The following DNAH8 variants were observed in gnomAD, a reference collection of about 807,000 sequenced individuals.
DNAH8 encodes axonemal beta dynein heavy chain 8.
DNAH8 carries 382 observed loss-of-function variants against 562.1 expected under a neutral mutation model. The ratio of observed to expected loss-of-function variants is 0.68; its 90% CI spans 0.63 to 0.74. DNAH8 has a LOEUF of 0.74. DNAH8 is among the 30% of genes least tolerant of loss of function. DNAH8 has a pLI of 0.00. For missense variants in DNAH8, 5,203 were observed against 5,620.4 expected (o/e 0.93, Z 2.37); for synonymous variants, 1,881 against 1,919.4 (o/e 0.98, Z 0.52).
At chr6:39,015,352 A>G (rs1410676064) in intron 91 of DNAH8, among the ~76,000 whole-genome samples, 3 of 152,224 alleles carry the variant, frequency 2.0e-5, no homozygotes, top group Non-Finnish European at 4.4e-5. Flanking sequence ...TTACAAAGCC[A>G]AACAATACTT....
chr6:39,011,531 A>G (rs984198942), intron 89 of DNAH8, among the ~76,000 whole-genome samples: 3 of 152,230 alleles, frequency 2.0e-5, no homozygotes, highest in Non-Finnish European at 4.4e-5. Flanking sequence ...TGAAATGTGT[A>G]TATTGCATTG....
chr6:38,827,728 C>A (rs2150346062), intron 29 of DNAH8, among the ~76,000 whole-genome samples: 1 of 71,694 alleles, frequency 1.4e-5, no homozygotes, highest in Non-Finnish European at 2.7e-5. Flanking sequence ...TAATTCTTTA[C>A]CAAACTTTTT....
At chr6:38,747,870 A>G (rs1291721361) in intron 8 of DNAH8, among the ~76,000 whole-genome samples, 1 of 152,234 alleles carries the variant, frequency 6.6e-6, no homozygotes, top group African/African-American at 2.4e-5. Context: ...TTTGAAATGT[A>G]TGTAAATGGA....
In DNAH8 at chr6:39,012,530, TG is replaced by T. The variant is rs1561975175; in HGVS notation, c.13610del (p.Gly4537AlafsTer28). On this transcript the variant is annotated frameshift_variant, in exon 91 of 93. Coordinates refer to ENST00000327475, the MANE Select transcript of DNAH8 (RefSeq NM_001206927.2). LOFTEE classifies it high-confidence loss of function. ...AGAGTGTCTTGGGATTCGTCCACACTGGGCTTCTGGTTCACTGAACTTTTGG... is the reference window on the plus strand; with the variant it reads ...AGAGTGTCTTGGGATTCGTCCACACTGGCTTCTGGTTCACTGAACTTTTGG... ...WKRVSWDSSTLGFWFTELLER... is the reference protein window; with the variant it reads ...WKRVSWDSSTXGFWFTELLER... 6.2e-7 allele frequency: 1 copy of T among 1,614,046 alleles called. No homozygotes were observed. The highest frequency in any genetic ancestry group is 1.1e-5 in the South Asian group (1 of 91,082).
In DNAH8 at chr6:38,749,351, A is replaced by G. The variant is rs567099031; in HGVS notation, c.1294-1125A>G. Among the ~76,000 whole-genome samples, 17 of 152,192 alleles carry G rather than the reference A, an allele frequency of 1.1e-4. No homozygotes were observed. In the South Asian group the frequency reaches 1.5e-3, roughly 13 times the overall value. ...AACACATGGACACAGGGAGGGGAAC[A>G]TCACACACTGGAGCCTGTCAGGGGG... On this transcript the variant is annotated intron_variant, in intron 8 of 92. Transcript: ENST00000327475.
intron 53 of DNAH8, among the ~76,000 whole-genome samples, chr6:38,879,458 A>C (rs1414557249): frequency 6.6e-6 from 1 of 152,220 alleles, no homozygotes; most frequent in Non-Finnish European, 1.5e-5. Flanking sequence ...ATAATCTGCC[A>C]TATAAGACTA....
rs1554136601 is a variant in DNAH8, at chr6:38,923,097, C to A, written c.10702C>A (p.Gln3568Lys). The stretch of plus-strand genomic sequence containing the variant: ...CGCTGATACGTGCCGGAAAAAGATG[C>A]AGGCCGCCTCCACTCTCATCGATGG... ...NDADTCRKKM[Q>K]AASTLIDGLS... Residue 3568 changes from glutamine to lysine, a missense_variant, in exon 72 of 93, where the codon CAG (glutamine) becomes AAG (lysine). Transcript: ENST00000327475. 1 of 1,613,434 alleles carries A rather than the reference C, an allele frequency of 6.2e-7. No homozygotes were observed. The highest frequency in any genetic ancestry group is 1.3e-5 in the African/African-American group (1 of 74,890).
intron 22 of DNAH8, among the ~76,000 whole-genome samples, chr6:38,805,025 C>A (rs1678681): frequency 2.0e-5 from 3 of 151,784 alleles, no homozygotes; most frequent in African/African-American, 4.8e-5. Flanking sequence ...TTGACCCACC[C>A]AAGATGTCAG....
intron 12 of DNAH8, among the ~76,000 whole-genome samples, chr6:38,770,814 G>C (rs992877298): frequency 6.6e-6 from 1 of 152,100 alleles, no homozygotes; most frequent in African/African-American, 2.4e-5. Context: ...CTCTACCTAT[G>C]AAACTTCAAC....
At chr6:38,759,422 C>G (rs987630729) in intron 10 of DNAH8, among the ~76,000 whole-genome samples, 1 of 152,170 alleles carries the variant, frequency 6.6e-6, no homozygotes, top group African/African-American at 2.4e-5. Flanking sequence ...AAGTCATAGT[C>G]ACATTTTAAG....
rs1231325060 is a variant in DNAH8 at position 38,907,958 on chromosome 6, C to A, written c.9351C>A (p.Ile3117=). 8.8e-6 allele frequency: 14 copies of A among 1,594,546 alleles called. No homozygotes were observed. The highest frequency in any genetic ancestry group is 1.0e-5 in the Non-Finnish European group (12 of 1,172,354). The change falls in exon 64 of 93, where the codon ATC becomes ATA. Residue 3117 remains isoleucine, a splice_region_variant and synonymous_variant. Coordinates refer to ENST00000327475, the MANE Select transcript of DNAH8 (RefSeq NM_001206927.2). ...ACTTCCTTGTCCATTCCTTAAAGAT[C>A]TCCAACTTGTTTGCACGAGATGAGA... is the stretch of plus-strand genomic sequence containing the variant. ...YLNNLLSSGE[I]SNLFARDEMD...
chr6:38,894,890 A>G, intron 59 of DNAH8, 26 bp downstream of exon 59: 1 of 1,601,634 alleles, frequency 6.2e-7, no homozygotes, highest in East Asian at 2.2e-5. Context: ...CTAGAGTTTA[A>G]ATGTATGACC....
intron 56 of DNAH8, among the ~76,000 whole-genome samples, chr6:38,884,436 T>A (rs1256046985): frequency 6.6e-6 from 1 of 152,088 alleles, no homozygotes; most frequent in Non-Finnish European, 1.5e-5. Context: ...TGGGATAACA[T>A]GTGCCCGCCA....
intron 41 of DNAH8, among the ~76,000 whole-genome samples, chr6:38,854,502 A>C (rs1189418872): frequency 6.6e-6 from 1 of 152,212 alleles, no homozygotes; most frequent in Admixed American, 6.5e-5. Flanking sequence ...AAGGACAGAG[A>C]TATAATCAAC....
At chr6:38,904,430 A>G (rs1363422553) in intron 62 of DNAH8, among the ~76,000 whole-genome samples, 1 of 152,176 alleles carries the variant, frequency 6.6e-6, no homozygotes, top group Non-Finnish European at 1.5e-5. Context: ...GAGAGTGAGA[A>G]GAAGAGGCAA....
chr6:38,832,398 G>A lies in DNAH8; in HGVS notation c.4265G>A (p.Arg1422His), dbSNP rs145309531. Residue 1422 changes from arginine to histidine, a missense_variant, in exon 31 of 93, where the codon CGT becomes CAT. Coordinates refer to ENST00000327475, the MANE Select transcript of DNAH8 (RefSeq NM_001206927.2). ...CTACTTGAGTCTGTGGAAGTTTTTC[G>A]TGAGGACGTGATAAACTTTGCAGAA... ...SNLLESVEVF[R>H]EDVINFAEAY... is the part of the protein sequence containing the mutation. 2,018 of 1,613,060 alleles carry A rather than the reference G, an allele frequency of 1.3e-3. 21 individuals are homozygous for A. In the African/African-American group the frequency reaches 0.022, roughly 18 times the overall value.
chr6:38,978,738 T>A (rs975658050), intron 85 of DNAH8, among the ~76,000 whole-genome samples: 1 of 152,326 alleles, frequency 6.6e-6, no homozygotes. Context: ...AAATTGGAAA[T>A]GGCTCTGACA....
intron 3 of DNAH8, among the ~76,000 whole-genome samples, chr6:38,726,480 C>T (rs1390268469): frequency 6.6e-6 from 1 of 152,190 alleles, no homozygotes. Context: ...ATGTCTCAGA[C>T]TTTGGGTCCA....
At chr6:38,908,458 G>T (rs1461688695) in intron 64 of DNAH8, among the ~76,000 whole-genome samples, 6 of 152,178 alleles carry the variant, frequency 3.9e-5, no homozygotes, top group Non-Finnish European at 8.8e-5. Context: ...TCTGATGTAG[G>T]TTTGAAAATC....
Sources: gnomAD v4.1 joint callset for allele counts (sites outside exome capture counted in the v4.1 genomes callset) on GRCh38, gnomAD v4.1.1 for gene constraint, MANE v1.5 for transcripts, NCBI Gene and HGNC (gene_info 2026-07-23, HGNC 2026-07-21) for gene names.